The following KPNA6 variants were observed in gnomAD, a reference collection of about 807,000 sequenced individuals.
KPNA6 encodes the protein karyopherin subunit alpha 6.
Under a neutral mutation model 72.0 loss-of-function variants are expected in KPNA6, and 9 were observed. The observed-to-expected ratio is 0.13, with a 90% CI of 0.08 to 0.22. KPNA6 has a LOEUF of 0.22. Ranked by LOEUF, KPNA6 falls within the 10% of genes least tolerant of loss-of-function variation. The probability of loss-of-function intolerance (pLI) is 1.00; values close to 1 mark genes in which losing one functional copy is unlikely to be tolerated. For missense variants in KPNA6, 374 were observed against 655.7 expected (o/e 0.57, Z 4.69); for synonymous variants, 219 against 242.1 (o/e 0.90, Z 0.89).
intron 1 of KPNA6, among the ~76,000 whole-genome samples, chr1:32,137,951 A>G (rs1641766886): frequency 6.6e-6 from 1 of 152,116 alleles, no homozygotes; most frequent in African/African-American, 2.4e-5. Flanking sequence ...CCTGGCCAAC[A>G]TGGTGAAACC....
intron 1 of KPNA6, among the ~76,000 whole-genome samples, chr1:32,143,342 A>T (rs1641873172): frequency 6.6e-6 from 1 of 152,110 alleles, no homozygotes. Flanking sequence ...CTGGCAGTAC[A>T]GGCCTGAGCC....
chr1:32,144,775 C>T (rs867804470), intron 1 of KPNA6, among the ~76,000 whole-genome samples: 2 of 151,980 alleles, frequency 1.3e-5, no homozygotes, highest in Admixed American at 6.6e-5. Flanking sequence ...GTCAGCCTCC[C>T]GAGTAGCTGG....
intron 1 of KPNA6, among the ~76,000 whole-genome samples, chr1:32,127,304 ATGTT>A (rs1641553180): frequency 6.6e-6 from 1 of 152,082 alleles, no homozygotes. Context: ...TGAACATTGG[ATGTT>A]TGTTCATGGC....
intron 1 of KPNA6, among the ~76,000 whole-genome samples, chr1:32,113,302 A>G (rs920866425): frequency 2.0e-5 from 3 of 152,112 alleles, no homozygotes; most frequent in Non-Finnish European, 4.4e-5. Context: ...CTGAAGTGGG[A>G]GAATCACTTG....
At chr1:32,124,550 A>T (rs1186214963) in intron 1 of KPNA6, among the ~76,000 whole-genome samples, 1 of 145,394 alleles carries the variant, frequency 6.9e-6, no homozygotes, top group East Asian at 2.1e-4. Flanking sequence ...TCTGTTGCCC[A>T]GGCTGGAGTG....
At chr1:32,113,714 C>T (rs899569484) in intron 1 of KPNA6, among the ~76,000 whole-genome samples, 1 of 152,174 alleles carries the variant, frequency 6.6e-6, no homozygotes, top group Non-Finnish European at 1.5e-5. Flanking sequence ...GTTGGGATTA[C>T]AGGTGTGAGC....
intron 1 of KPNA6, among the ~76,000 whole-genome samples, chr1:32,153,433 T>G (rs1333729037): frequency 1.3e-5 from 2 of 151,564 alleles, no homozygotes; most frequent in African/African-American, 4.8e-5. Flanking sequence ...GTATTAGGCG[T>G]GGTGGCAGGC....
At position 32,156,770 on chromosome 1, in the gene KPNA6, G is replaced by T. The variant is rs1429776854; in HGVS notation, c.139-83G>T. On this transcript the variant is annotated intron_variant, in intron 2 of 13. Transcript: ENST00000373625. ...CAGCTACTCTAGTATATCCTTGTCA[G>T]TTATGCCATAATTTAACATTGGATT... 2.9e-6 allele frequency: 3 copies of T among 1,046,056 alleles called. No homozygotes were observed. The African/African-American group carries it at 4.7e-5, about 16-fold the overall frequency. 64.8% of individuals were successfully genotyped at this position (1,046,056 alleles called of 1,614,324 possible).
chr1:32,136,752 T>C (rs1258367912), intron 1 of KPNA6, among the ~76,000 whole-genome samples: 1 of 152,218 alleles, frequency 6.6e-6, no homozygotes, highest in Non-Finnish European at 1.5e-5. Context: ...TGGGAAGTTA[T>C]ATGGAATAAG....
At chr1:32,128,255 A>G (rs954493602) in intron 1 of KPNA6, among the ~76,000 whole-genome samples, 3 of 151,218 alleles carry the variant, frequency 2.0e-5, no homozygotes, top group African/African-American at 7.3e-5. Context: ...TCCCTTCCGT[A>G]GATCTGAGCA....
In KPNA6 at chr1:32,140,839, T is replaced by C. The variant is rs77440453; in HGVS notation, c.5-13749T>C. Among the ~76,000 whole-genome samples, 7 of 152,330 alleles carry C rather than the reference T, an allele frequency of 4.6e-5. No homozygotes were observed. In the East Asian group the frequency reaches 9.6e-4, roughly 21 times the overall value. ...ATATTAATTTACAGTAAATAACTAA[T>C]AGGTAGACCAGTAAGAAGACAGCAA... On this transcript the variant is annotated intron_variant, in intron 1 of 13. Transcript: ENST00000373625.
rs750419526 is a variant in KPNA6 at position 32,170,916 on chromosome 1, G to A, written c.*22G>A. The A allele has an allele frequency of 6.8e-6, 11 of 1,609,020 alleles. No individual in the cohort carries two copies. The South Asian group carries it at 8.8e-5, about 13-fold the overall frequency. The stretch of plus-strand genomic sequence containing the variant: ...ATAATATCTGCCTCCAGGGAGGGGA[G>A]GGGATGGGAAGCACCACCAGCCAGC... On this transcript the variant is annotated 3_prime_UTR_variant, in exon 14 of 14. Coordinates refer to ENST00000373625, the MANE Select transcript of KPNA6 (RefSeq NM_012316.5).
chr1:32,117,419 G>A (rs1034384005), intron 1 of KPNA6, among the ~76,000 whole-genome samples: 1 of 151,600 alleles, frequency 6.6e-6, no homozygotes, highest in Admixed American at 6.6e-5. Context: ...TGATCCACCC[G>A]CCTCGGCCTC....
In KPNA6 at chr1:32,163,324, G is replaced by C; in HGVS notation, c.990+11G>C. 6.3e-7 allele frequency: 1 copy of C among 1,594,314 alleles called. No individual in the cohort carries two copies. The highest frequency in any genetic ancestry group is 8.6e-7 in the Non-Finnish European group (1 of 1,164,450). ...GACATCCAGACCCAGGTAAGAAAGA[G>C]GAGGGTGCAGGATCTTAGACCAGCT... On this transcript the variant is annotated intron_variant, in intron 10 of 13. Transcript: ENST00000373625.
At chr1:32,163,437 A>G in intron 10 of KPNA6, 124 bp downstream of exon 10, 1 of 680,488 alleles carries the variant, frequency 1.5e-6, no homozygotes, top group Non-Finnish European at 2.6e-6. Flanking sequence ...TGGTCTAAGG[A>G]AGTAAGTGTG....
chr1:32,108,957 A>C (rs945421956), intron 1 of KPNA6, among the ~76,000 whole-genome samples: 2 of 152,198 alleles, frequency 1.3e-5, no homozygotes, highest in African/African-American at 4.8e-5. Flanking sequence ...AAGCAGTAAA[A>C]ATTGTGAAAT....
chr1:32,121,213 A>T (rs758548426), intron 1 of KPNA6, among the ~76,000 whole-genome samples: 2 of 152,118 alleles, frequency 1.3e-5, no homozygotes, highest in African/African-American at 2.4e-5. Flanking sequence ...TCCTGGCAGG[A>T]GATGATGGCA....
intron 1 of KPNA6, among the ~76,000 whole-genome samples, chr1:32,144,913 T>C (rs1008668703): frequency 3.9e-5 from 6 of 152,002 alleles, no homozygotes; most frequent in Non-Finnish European, 8.8e-5. Flanking sequence ...CCCAAAGTGT[T>C]GGAATTACAG....
intron 12 of KPNA6, 125 bp downstream of exon 12, chr1:32,167,421 G>A (rs1557486457): frequency 2.0e-6 from 2 of 988,676 alleles, no homozygotes; most frequent in Non-Finnish European, 3.0e-6. Flanking sequence ...CACTGTAATA[G>A]AATTTTACTG....
Sources: allele counts gnomAD v4.1 joint callset (sites outside exome capture counted in the v4.1 genomes callset), GRCh38; gene constraint gnomAD v4.1.1; transcripts MANE v1.5; gene names NCBI Gene and HGNC (gene_info 2026-07-23, HGNC 2026-07-21).